The following MAGI2 variants were observed in gnomAD, a reference collection of about 807,000 sequenced individuals.
MAGI2 encodes membrane-associated guanylate kinase, WW and PDZ domain-containing protein 2.
MAGI2 carries 35 observed loss-of-function variants against 133.3 expected under a neutral mutation model. The ratio of observed to expected loss-of-function variants is 0.26; its 90% CI spans 0.20 to 0.35. The LOEUF (loss-of-function observed/expected upper bound fraction) is 0.35, where lower values mean the gene tolerates loss of function less well. MAGI2 is among the 10% of genes least tolerant of loss of function. The probability of loss-of-function intolerance (pLI) is 1.00; values close to 1 mark genes in which losing one functional copy is unlikely to be tolerated. For synonymous variants in MAGI2, 729 were observed against 710.6 expected (o/e 1.03, Z -0.41); for missense variants, 1,636 against 1,863.4 (o/e 0.88, Z 2.25).
At chr7:79,405,802 T>G (rs1845762955) in intron 1 of MAGI2, among the ~76,000 whole-genome samples, 1 of 151,958 alleles carries the variant, frequency 6.6e-6, no homozygotes, top group Non-Finnish European at 1.5e-5. Context: ...CTTTTCTTGA[T>G]GATTGACTGA....
At chr7:78,462,595 C>G (rs1563035407) in intron 6 of MAGI2, among the ~76,000 whole-genome samples, 1 of 152,188 alleles carries the variant, frequency 6.6e-6, no homozygotes. Flanking sequence ...TCTGATTTCA[C>G]TGGCTGATTT....
chr7:78,703,437 G>T (rs912702154), intron 2 of MAGI2, among the ~76,000 whole-genome samples: 1 of 151,964 alleles, frequency 6.6e-6, no homozygotes, highest in East Asian at 1.9e-4. Context: ...GAGATTGAAC[G>T]TGTGAAGTTT....
chr7:78,150,152 T>G (rs1823727366), intron 16 of MAGI2, among the ~76,000 whole-genome samples: 1 of 152,190 alleles, frequency 6.6e-6, no homozygotes, highest in Non-Finnish European at 1.5e-5. Context: ...AGAGTTTCGG[T>G]AGAAGCACTC....
intron 1 of MAGI2, among the ~76,000 whole-genome samples, chr7:79,277,416 C>G (rs990552450): frequency 6.6e-6 from 1 of 152,060 alleles, no homozygotes; most frequent in Non-Finnish European, 1.5e-5. Flanking sequence ...CACCGGGAAA[C>G]AAAACAAACT....
chr7:78,533,884 A>T (rs1179209982), intron 3 of MAGI2, among the ~76,000 whole-genome samples: 1 of 152,192 alleles, frequency 6.6e-6, no homozygotes, highest in Admixed American at 6.5e-5. Context: ...CCAGGACAAT[A>T]GACATTTGAT....
chr7:78,184,264 T>TA (rs1041581474), intron 13 of MAGI2, among the ~76,000 whole-genome samples: 85 of 152,280 alleles, frequency 5.6e-4, no homozygotes, highest in African/African-American at 2.0e-3. Flanking sequence ...GATAATGTTT[T>TA]AAAAAAATTG....
intron 1 of MAGI2, among the ~76,000 whole-genome samples, chr7:79,127,314 C>T (rs977294858): frequency 2.0e-5 from 3 of 152,082 alleles, no homozygotes; most frequent in Non-Finnish European, 4.4e-5. Flanking sequence ...GATATATACC[C>T]AGTAATGGGA....
chr7:79,263,711 T>G (rs1834236658), intron 1 of MAGI2, among the ~76,000 whole-genome samples: 1 of 152,156 alleles, frequency 6.6e-6, no homozygotes, highest in South Asian at 2.1e-4. Context: ...AACTCTTGAA[T>G]GGACTGCCCA....
intron 1 of MAGI2, among the ~76,000 whole-genome samples, chr7:79,395,453 C>T (rs767123820): frequency 2.0e-5 from 3 of 152,124 alleles, no homozygotes; most frequent in Non-Finnish European, 2.9e-5. Flanking sequence ...CATCCCGTAA[C>T]GTGATATAAG....
intron 1 of MAGI2, among the ~76,000 whole-genome samples, chr7:79,364,146 A>T (rs1172822145): frequency 6.6e-6 from 1 of 152,034 alleles, no homozygotes. Flanking sequence ...GTAGGAATGT[A>T]AATTAGACAG....
In MAGI2 at chr7:78,828,661, A is replaced by G. The variant is rs551320682; in HGVS notation, c.418+178429T>C. 2.0e-5 allele frequency among the ~76,000 whole-genome samples: 3 copies of G among 152,340 alleles called. No individual in the cohort carries two copies. The East Asian group carries it at 5.8e-4, about 29-fold the overall frequency. On this transcript the variant is annotated intron_variant, in intron 2 of 21. Coordinates refer to ENST00000354212, the MANE Select transcript of MAGI2 (RefSeq NM_012301.4). ...CTTTAGTTAATGTTATTGTATCAAT[A>G]TTCGTCCATTAATTATGATTGATGT...
chr7:78,669,179 C>A (rs895541254), intron 2 of MAGI2, among the ~76,000 whole-genome samples: 1 of 151,820 alleles, frequency 6.6e-6, no homozygotes, highest in Non-Finnish European at 1.5e-5. Context: ...GATAGCAAGA[C>A]TAATAAAGAA....
At chr7:78,738,534 C>A (rs1191232146) in intron 2 of MAGI2, among the ~76,000 whole-genome samples, 1 of 152,074 alleles carries the variant, frequency 6.6e-6, no homozygotes, top group Non-Finnish European at 1.5e-5. Flanking sequence ...AATCATTAGT[C>A]TTTCCTGCCA....
chr7:78,206,933 G>A (rs1335779463), intron 10 of MAGI2, among the ~76,000 whole-genome samples: 1 of 152,052 alleles, frequency 6.6e-6, no homozygotes, highest in African/African-American at 2.4e-5. Context: ...TGTGTGTTCT[G>A]TTTTACATAA....
intron 3 of MAGI2, among the ~76,000 whole-genome samples, chr7:78,522,432 G>A (rs1425808539): frequency 6.6e-6 from 1 of 152,070 alleles, no homozygotes; most frequent in Non-Finnish European, 1.5e-5. Flanking sequence ...AGGCTGGAGG[G>A]CAATGGTGCA....
chr7:78,985,130 G>A (rs1366736609), intron 2 of MAGI2, among the ~76,000 whole-genome samples: 5 of 151,702 alleles, frequency 3.3e-5, no homozygotes, highest in African/African-American at 1.2e-4. Flanking sequence ...GCCTCTCAAA[G>A]TGCTGGGATT....
chr7:78,510,602 G>A (rs1795479174), intron 4 of MAGI2, among the ~76,000 whole-genome samples: 1 of 152,102 alleles, frequency 6.6e-6, no homozygotes, highest in African/African-American at 2.4e-5. Flanking sequence ...CATAAAGGTG[G>A]TATTTCTTCT....
chr7:78,373,067 C>T (rs551028619), intron 6 of MAGI2, among the ~76,000 whole-genome samples: 2 of 152,150 alleles, frequency 1.3e-5, no homozygotes, highest in African/African-American at 2.4e-5. Context: ...AAGGAATCCT[C>T]TCCCCTCAGC....
At chr7:78,998,631 G>T (rs1037136789) in intron 2 of MAGI2, among the ~76,000 whole-genome samples, 1 of 152,096 alleles carries the variant, frequency 6.6e-6, no homozygotes, top group Non-Finnish European at 1.5e-5. Context: ...CAAGTGATCT[G>T]GACATTAGAA....
Sources: allele counts gnomAD v4.1 joint callset (sites outside exome capture counted in the v4.1 genomes callset), GRCh38; gene constraint gnomAD v4.1.1; transcripts MANE v1.5; gene names NCBI Gene and HGNC (gene_info 2026-07-23, HGNC 2026-07-21).